The following RERE variants were observed in gnomAD, a reference collection of about 807,000 sequenced individuals.
RERE encodes arginine-glutamic acid dipeptide repeats protein.
Under a neutral mutation model 146.1 loss-of-function variants are expected in RERE, and 40 were observed. The observed-to-expected ratio is 0.27, with a 90% CI of 0.21 to 0.36. The LOEUF is 0.36. Among genes scored for constraint, RERE ranks in the 10% least tolerant of loss-of-function variants. The pLI, the probability that RERE is intolerant of heterozygous loss-of-function variation, is 1.00. For synonymous variants in RERE, 1,003 were observed against 866.0 expected (o/e 1.16, Z -2.78); for missense variants, 1,933 against 2,138.7 (o/e 0.90, Z 1.90).
At chr1:8,525,795 G>T in intron 7 of RERE, 2 of 1,596,558 alleles carry the variant, frequency 1.3e-6, no homozygotes, top group Non-Finnish European at 1.7e-6. Context: ...GACTAACACG[G>T]GCTCTGGTGA....
intron 1 of RERE, chr1:8,792,600 C>G (rs958016324): frequency 1.3e-5 from 2 of 152,220 alleles, no homozygotes; most frequent in Non-Finnish European, 2.9e-5. Context: ...TAAAAGAAGA[C>G]AGATGACTAT....
intron 11 of RERE, among the ~76,000 whole-genome samples, chr1:8,443,888 C>T (rs1644284598): frequency 1.0e-5 from 1 of 95,406 alleles, no homozygotes; most frequent in Non-Finnish European, 2.5e-5. Context: ...CAGCCTCTGC[C>T]AAGATTTCAG....
At chr1:8,540,412 C>T (rs984625924) in intron 7 of RERE, among the ~76,000 whole-genome samples, 2 of 152,140 alleles carry the variant, frequency 1.3e-5, no homozygotes, top group Admixed American at 6.5e-5. Flanking sequence ...TGCACCTGGC[C>T]GGGGATGTTT....
chr1:8,789,301 A>AAAAAAAAAAAAATATATATATATATATAT, intron 1 of RERE, among the ~76,000 whole-genome samples: 6 of 24,808 alleles, frequency 2.4e-4, no homozygotes, highest in Non-Finnish European at 2.6e-4. Context: ...AAAAAAAAAA[A>AAAAAAAAAAAAATATATATATATATATAT]ATATATATAT....
At chr1:8,469,928 AAAGAGGCACTCCTC>A (rs1197942989) in intron 10 of RERE, among the ~76,000 whole-genome samples, 1 of 152,136 alleles carries the variant, frequency 6.6e-6, no homozygotes, top group East Asian at 1.9e-4. Context: ...CTTAATGGGG[AAAGAGGCACTCCTC>A]TGAACAAGTC....
At chr1:8,752,125 T>C (rs542224143) in intron 1 of RERE, among the ~76,000 whole-genome samples, 2 of 152,254 alleles carry the variant, frequency 1.3e-5, no homozygotes, top group South Asian at 4.1e-4. Context: ...GCTAAGTAAC[T>C]TGCCAGTGAA....
rs1644918060 is a variant in RERE, at chr1:8,487,519, A to AT, written c.1104+7543_1104+7544insA. The stretch of plus-strand genomic sequence containing the variant: ...CTTGAGTCTGGGAGGTCAAGGCTGC[A>AT]GTGATTCAAGATTGCTACACTGCAC... On this transcript the variant is annotated intron_variant, in intron 10 of 22. Coordinates refer to ENST00000400908, the MANE Select transcript of RERE (RefSeq NM_001042681.2). Among the ~76,000 whole-genome samples the AT allele has an allele frequency of 9.2e-5, 14 of 152,318 alleles. 1 individual carries two copies. Among genetic ancestry groups the AT allele is most frequent in the Admixed American group, 6.5e-4 (10 of 15,300 alleles).
chr1:8,725,395 G>A (rs763822134), intron 1 of RERE, among the ~76,000 whole-genome samples: 3 of 152,222 alleles, frequency 2.0e-5, no homozygotes, highest in East Asian at 1.9e-4. Context: ...GTAAAGCCCC[G>A]TTTCTACTTA....
chr1:8,587,672 A>G (rs776324444), intron 4 of RERE, among the ~76,000 whole-genome samples: 5 of 152,002 alleles, frequency 3.3e-5, no homozygotes, highest in Admixed American at 6.6e-5. Flanking sequence ...CAACAAATAA[A>G]ATCTAGTTTC....
At chr1:8,500,884 C>T (rs1424056536) in intron 8 of RERE, among the ~76,000 whole-genome samples, 14 of 151,936 alleles carry the variant, frequency 9.2e-5, no homozygotes, top group East Asian at 1.9e-4. Context: ...ATGTGAGGAG[C>T]GCCTCTGCCT....
chr1:8,783,830 C>T (rs1180909942), intron 1 of RERE, among the ~76,000 whole-genome samples: 3 of 152,114 alleles, frequency 2.0e-5, no homozygotes, highest in African/African-American at 7.2e-5. Context: ...TCACAACAGA[C>T]ATCGTAGACT....
intron 12 of RERE, among the ~76,000 whole-genome samples, chr1:8,406,867 A>AAG (rs1375501137): frequency 6.6e-6 from 1 of 152,216 alleles, no homozygotes; most frequent in African/African-American, 2.4e-5. Context: ...CAGCCCAGGC[A>AAG]AGAGTCAGAG....
intron 1 of RERE, among the ~76,000 whole-genome samples, chr1:8,760,597 T>C (rs1213553708): frequency 6.6e-6 from 1 of 152,154 alleles, no homozygotes; most frequent in Non-Finnish European, 1.5e-5. Flanking sequence ...GCTTTTGATA[T>C]TTTAAGCCCA....
chr1:8,802,678 CAT>C (rs1402825634), intron 1 of RERE, among the ~76,000 whole-genome samples: 2 of 152,212 alleles, frequency 1.3e-5, no homozygotes, highest in Non-Finnish European at 2.9e-5. Context: ...CAGTTGTGTA[CAT>C]GTCTCATCTT....
At chr1:8,683,534 C>A (rs1158653667) in intron 1 of RERE, among the ~76,000 whole-genome samples, 1 of 152,068 alleles carries the variant, frequency 6.6e-6, no homozygotes, top group African/African-American at 2.4e-5. Context: ...AACTGTTCCC[C>A]ACAGTTACTG....
At chr1:8,613,825 T>G (rs1335273105) in intron 4 of RERE, among the ~76,000 whole-genome samples, 1 of 152,036 alleles carries the variant, frequency 6.6e-6, no homozygotes, top group Non-Finnish European at 1.5e-5. Flanking sequence ...CATTAAATCC[T>G]CCATTAAGTC....
At chr1:8,723,669 G>A (rs1468983676) in intron 1 of RERE, among the ~76,000 whole-genome samples, 3 of 152,124 alleles carry the variant, frequency 2.0e-5, no homozygotes, top group African/African-American at 2.4e-5. Flanking sequence ...AAAATATGTC[G>A]CTGTGAAATA....
intron 1 of RERE, among the ~76,000 whole-genome samples, chr1:8,812,318 T>C (rs532306329): frequency 6.6e-6 from 1 of 152,306 alleles, no homozygotes; most frequent in African/African-American, 2.4e-5. Context: ...GTTAAATATA[T>C]TGCTCACACT....
At chr1:8,501,060 G>A (rs1295123101) in intron 8 of RERE, among the ~76,000 whole-genome samples, 6 of 87,450 alleles carry the variant, frequency 6.9e-5, no homozygotes, top group Non-Finnish European at 1.2e-4. Context: ...CCCCCGCCCG[G>A]CCAGCCGCCC....
Sources: gnomAD v4.1 joint callset for allele counts (sites outside exome capture counted in the v4.1 genomes callset) on GRCh38, gnomAD v4.1.1 for gene constraint, MANE v1.5 for transcripts, NCBI Gene and HGNC (gene_info 2026-07-23, HGNC 2026-07-21) for gene names.